Variants in SLC44A5 observed in about 807,000 individuals in gnomAD.
SLC44A5 encodes solute carrier family 44 member 5, also known as choline transporter-like protein 5.
Under a neutral mutation model 101.8 loss-of-function variants are expected in SLC44A5, and 57 were observed. The ratio of observed to expected loss-of-function variants is 0.56; its 90% CI spans 0.45 to 0.70. The LOEUF (loss-of-function observed/expected upper bound fraction) is 0.70, where lower values mean the gene tolerates loss of function less well. Ranked by LOEUF, SLC44A5 falls within the 30% of genes least tolerant of loss-of-function variation. SLC44A5 has a pLI of 0.00. For missense variants in SLC44A5, 737 were observed against 853.1 expected (o/e 0.86, Z 1.70); for synonymous variants, 281 against 290.9 (o/e 0.97, Z 0.35).
chr1:75,664,001 A>G, the SLC44A5 span, among the ~76,000 whole-genome samples: 1 of 152,334 alleles, frequency 6.6e-6, no homozygotes, highest in South Asian at 2.1e-4. Flanking sequence ...AGTCGGTTCA[A>G]CATACACAAA....
At chr1:75,501,778 G>A (rs985319286) in intron 2 of SLC44A5, among the ~76,000 whole-genome samples, 2 of 152,144 alleles carry the variant, frequency 1.3e-5, no homozygotes, top group African/African-American at 2.4e-5. Context: ...CTTATCTGAT[G>A]AATTGTTATC....
intron 4 of SLC44A5, among the ~76,000 whole-genome samples, chr1:75,325,988 C>A (rs949021239): frequency 3.3e-5 from 5 of 151,658 alleles, no homozygotes; most frequent in South Asian, 2.1e-4. Flanking sequence ...CACATGAGGT[C>A]AGGAGTACAA....
intron 1 of SLC44A5, among the ~76,000 whole-genome samples, chr1:75,566,319 A>C (rs1672783942): frequency 6.6e-6 from 1 of 152,260 alleles, no homozygotes; most frequent in African/African-American, 2.4e-5. Context: ...ATAGAATGAA[A>C]TTATCAATAC....
At chr1:75,529,689 T>C (rs538198108) in intron 2 of SLC44A5, among the ~76,000 whole-genome samples, 7 of 152,320 alleles carry the variant, frequency 4.6e-5, no homozygotes, top group Middle Eastern at 6.8e-3. Context: ...ACTAAGCAGC[T>C]TATAAGATCT....
Position 75,544,523 on chromosome 1 carries a change from ACAC to A in SLC44A5, c.-69-3010_-69-3008del, listed in dbSNP as rs1557892594. Among the ~76,000 whole-genome samples the A allele has an allele frequency of 3.2e-4, 48 of 151,674 alleles. 1 individual carries two copies. Among genetic ancestry groups the A allele is most frequent in the African/African-American group, 9.0e-4 (37 of 41,252 alleles). On this transcript the variant is annotated intron_variant, in intron 1 of 23. Coordinates refer to ENST00000370859, the MANE Select transcript of SLC44A5 (RefSeq NM_001130058.2). ...CATGTGCACACACACACACACACAC[ACAC>A]AACAAAATACTTTTGCTGAACCATT...
At chr1:75,667,067 G>A in the SLC44A5 span, among the ~76,000 whole-genome samples, 2 of 152,188 alleles carry the variant, frequency 1.3e-5, no homozygotes, top group African/African-American at 2.4e-5. Flanking sequence ...ATTCAAGATA[G>A]TATTGGAAGT....
At chr1:75,647,584 G>T in the SLC44A5 span, among the ~76,000 whole-genome samples, 1 of 152,164 alleles carries the variant, frequency 6.6e-6, no homozygotes, top group Non-Finnish European at 1.5e-5. Context: ...CAGCCAAGAA[G>T]GGGGCTGTAC....
chr1:75,438,618 G>A (rs1665018968), intron 2 of SLC44A5, among the ~76,000 whole-genome samples: 3 of 152,080 alleles, frequency 2.0e-5, no homozygotes, highest in Non-Finnish European at 1.5e-5. Context: ...CTGCAAGACA[G>A]GGAAGCTGAA....
rs143004355 is a variant in SLC44A5 at position 75,218,499 on chromosome 1, C to T, written c.1520G>A (p.Arg507Gln). 4.6e-3 allele frequency: 7,474 copies of T among 1,613,622 alleles called. 27 individuals carry two copies. The highest frequency in any genetic ancestry group is 5.2e-3 in the Non-Finnish European group (6,186 of 1,179,622). The change falls in exon 17 of 24, where the codon CGA (arginine) becomes CAA (glutamine). Residue 507 changes from arginine to glutamine, a missense_variant. Coordinates refer to ENST00000370859, the MANE Select transcript of SLC44A5 (RefSeq NM_001130058.2). ...TCAACTTGAAACTTACCGTATGGCT[C>T]GTCCAAATGCAGTAAAAAGTGGATA... ...PRYPLFTAFGRAIRYHTGSLA... is the reference protein window; with the variant it reads ...PRYPLFTAFGQAIRYHTGSLA...
chr1:75,723,091 C>T, the SLC44A5 span, among the ~76,000 whole-genome samples: 1 of 152,304 alleles, frequency 6.6e-6, no homozygotes, highest in East Asian at 1.9e-4. Flanking sequence ...TTGGAAAGTT[C>T]TAAGTTGCTA....
the SLC44A5 span, among the ~76,000 whole-genome samples, chr1:75,720,170 G>C: frequency 8.5e-5 from 13 of 152,208 alleles, no homozygotes; most frequent in Non-Finnish European, 1.9e-4. Context: ...CTGGGTCTGA[G>C]GGGTAATGGC....
intron 6 of SLC44A5, among the ~76,000 whole-genome samples, chr1:75,259,209 G>T (rs1570493761): frequency 6.6e-6 from 1 of 152,292 alleles, no homozygotes; most frequent in East Asian, 1.9e-4. Context: ...GGCTTCAGAA[G>T]ATGGGTAATG....
intron 2 of SLC44A5, among the ~76,000 whole-genome samples, chr1:75,411,216 T>G (rs933863084): frequency 6.6e-6 from 1 of 152,106 alleles, no homozygotes; most frequent in Non-Finnish European, 1.5e-5. Context: ...AATGTATCAA[T>G]TTAAGCACAT....
chr1:75,242,716 A>T (rs1188277579), intron 8 of SLC44A5, among the ~76,000 whole-genome samples, 170 bp downstream of exon 8: 1 of 152,146 alleles, frequency 6.6e-6, no homozygotes, highest in Admixed American at 6.6e-5. Context: ...GATGTGCTAT[A>T]ACTGGTGTGC....
the SLC44A5 span, among the ~76,000 whole-genome samples, chr1:75,658,840 G>A: frequency 6.6e-6 from 1 of 151,676 alleles, no homozygotes; most frequent in African/African-American, 2.4e-5. Context: ...AGGAAAATTT[G>A]GTTTTCTGAA....
chr1:75,485,828 G>A (rs1458231715), intron 2 of SLC44A5, among the ~76,000 whole-genome samples: 3 of 152,142 alleles, frequency 2.0e-5, no homozygotes, highest in Non-Finnish European at 4.4e-5. Flanking sequence ...GAAGGTGAAG[G>A]GGAAGCAAGG....
chr1:75,658,042 C>G, the SLC44A5 span, among the ~76,000 whole-genome samples: 2 of 152,132 alleles, frequency 1.3e-5, no homozygotes, highest in Non-Finnish European at 2.9e-5. Context: ...GAACATTCTC[C>G]AAAATCACCA....
In SLC44A5 at chr1:75,281,446, AG is replaced by A. The variant is rs1035610736; in HGVS notation, c.176-6405del. On this transcript the variant is annotated intron_variant, in intron 5 of 23. Transcript: ENST00000370859. ...TTGCAGCCCAACAATGTGACAGAAA[AG>A]AAAAACCCATTTTCTGGGGAGAAAT... is the stretch of plus-strand genomic sequence containing the variant. Among the ~76,000 whole-genome samples, 94 of 152,230 alleles carry A rather than the reference AG, an allele frequency of 6.2e-4. 1 individual carries two copies. Among genetic ancestry groups the A allele is most frequent in the African/African-American group, 2.2e-3 (92 of 41,546 alleles).
At chr1:75,304,948 C>T (rs918600045) in intron 4 of SLC44A5, among the ~76,000 whole-genome samples, 7 of 152,252 alleles carry the variant, frequency 4.6e-5, no homozygotes, top group African/African-American at 1.7e-4. Context: ...GCCCACACCC[C>T]CATTTATCAC....
Sources: allele counts gnomAD v4.1 joint callset (sites outside exome capture counted in the v4.1 genomes callset), GRCh38; gene constraint gnomAD v4.1.1; transcripts MANE v1.5; gene names NCBI Gene and HGNC (gene_info 2026-07-23, HGNC 2026-07-21).